Variants in MICAL2 observed in about 807,000 individuals in gnomAD.
MICAL2 encodes the protein [F-actin]-monooxygenase MICAL2.
In MICAL2, 77 loss-of-function variants were observed where a neutral mutation model predicts 127.3. The observed-to-expected ratio is 0.60, with a 90% CI of 0.50 to 0.73. MICAL2 has a LOEUF of 0.73. MICAL2 is among the 30% of genes least tolerant of loss of function. MICAL2 has a pLI of 0.00. For missense variants in MICAL2, 1,351 were observed against 1,434.4 expected (o/e 0.94, Z 0.94); for synonymous variants, 570 against 551.1 (o/e 1.03, Z -0.48).
chr11:12,151,012 A>G (rs1297749448), intron 2 of MICAL2, among the ~76,000 whole-genome samples: 1 of 152,092 alleles, frequency 6.6e-6, no homozygotes, highest in East Asian at 1.9e-4. Context: ...TTTTCACAGG[A>G]ACCCTATGTT....
intron 3 of MICAL2, 116 bp downstream of exon 3, chr11:12,162,535 T>C: frequency 7.8e-7 from 1 of 1,282,490 alleles, no homozygotes; most frequent in East Asian, 2.5e-5. Flanking sequence ...GTGTGAATGT[T>C]GCATTGTTTT....
At position 12,327,207 on chromosome 11, in the gene MICAL2, G is replaced by A. The variant is rs182486240; in HGVS notation, c.5456G>A (p.Arg1819Gln). The change falls in exon 32 of 35, where the codon CGG becomes CAG. Residue 1819 changes from arginine to glutamine, a missense_variant. Transcript: ENST00000646065. ...AGGCAGCTGGAGGAGGTGGAGGAGC[G>A]GCAGAGGGCTTCTGAGATCCAGGGT... The A allele has an allele frequency of 7.4e-5, 115 of 1,551,688 alleles. No homozygotes were observed. In the East Asian group the frequency reaches 2.3e-3, roughly 31 times the overall value.
At chr11:12,144,306 G>T (rs1852659755) in intron 2 of MICAL2, among the ~76,000 whole-genome samples, 1 of 152,228 alleles carries the variant, frequency 6.6e-6, no homozygotes, top group Non-Finnish European at 1.5e-5. Context: ...TCAGCCAAGA[G>T]AAATGTATTC....
intron 1 of MICAL2, among the ~76,000 whole-genome samples, chr11:12,129,636 C>CTTTTTTTTTTTTTTTTTTTTT (rs559528778): frequency 1.0e-5 from 1 of 97,464 alleles, no homozygotes; most frequent in Non-Finnish European, 1.9e-5. Context: ...TCTTCTTCTT[C>CTTTTTTTTTTTTTTTTTTTTT]TTTTTTTTTT....
chr11:12,127,714 A>G (rs569332241), intron 1 of MICAL2, among the ~76,000 whole-genome samples: 19 of 152,186 alleles, frequency 1.2e-4, no homozygotes, highest in Admixed American at 3.9e-4. Flanking sequence ...ACTAGGCAGT[A>G]GGGAGTCTTT....
chr11:12,256,994 C>G (rs2134662799), intron 24 of MICAL2, 23 bp downstream of exon 24: 1 of 1,598,988 alleles, frequency 6.3e-7, no homozygotes, highest in Admixed American at 1.7e-5. Flanking sequence ...GCCAGGGCAG[C>G]ACTGGGCTCT....
chr11:12,214,699 A>G (rs1164592824), intron 7 of MICAL2, among the ~76,000 whole-genome samples: 1 of 152,224 alleles, frequency 6.6e-6, no homozygotes, highest in Non-Finnish European at 1.5e-5. Flanking sequence ...ATCCATAAAT[A>G]AAAGCTGATT....
At chr11:12,141,237 C>G (rs901852463) in intron 2 of MICAL2, among the ~76,000 whole-genome samples, 3 of 152,300 alleles carry the variant, frequency 2.0e-5, no homozygotes, top group Non-Finnish European at 4.4e-5. Flanking sequence ...CTAGTGTTGA[C>G]TGTCCACAGC....
At chr11:12,186,244 C>T (rs531538687) in intron 3 of MICAL2, among the ~76,000 whole-genome samples, 50 of 152,292 alleles carry the variant, frequency 3.3e-4, no homozygotes, top group African/African-American at 1.1e-3. Context: ...TTAGACATGG[C>T]TTGGGGGAGT....
At chr11:12,275,071 T>C (rs1275780003), upstream of MICAL2, among the ~76,000 whole-genome samples, 2 of 152,092 alleles carry the variant, frequency 1.3e-5, no homozygotes, top group Non-Finnish European at 2.9e-5. Context: ...CACCAGGATT[T>C]GCCGATGACT....
chr11:12,279,424 G>A (rs1319151050), intron 1 of MICAL2, among the ~76,000 whole-genome samples: 1 of 152,152 alleles, frequency 6.6e-6, no homozygotes, highest in Admixed American at 6.5e-5. Flanking sequence ...GGGAACATAG[G>A]CTTGAGCATC....
At chr11:12,175,272 T>G (rs1260324969) in intron 3 of MICAL2, among the ~76,000 whole-genome samples, 2 of 152,054 alleles carry the variant, frequency 1.3e-5, no homozygotes, top group African/African-American at 4.8e-5. Context: ...GGTCAGAAGT[T>G]CGAGACCAGC....
intron 1 of MICAL2, among the ~76,000 whole-genome samples, chr11:12,118,084 C>T (rs1198720543): frequency 1.3e-5 from 2 of 152,180 alleles, no homozygotes; most frequent in East Asian, 3.9e-4. Flanking sequence ...TTTCAGGCTT[C>T]TTCTGGATTC....
chr11:12,297,605 T>C (rs1373760174), intron 29 of MICAL2, among the ~76,000 whole-genome samples: 3 of 152,110 alleles, frequency 2.0e-5, no homozygotes, highest in Non-Finnish European at 4.4e-5. Flanking sequence ...TCCAAGTTTG[T>C]AGAAGAATTT....
intron 2 of MICAL2, among the ~76,000 whole-genome samples, chr11:12,282,154 G>A: frequency 6.6e-6 from 1 of 152,170 alleles, no homozygotes; most frequent in Non-Finnish European, 1.5e-5. Flanking sequence ...TGGAATTGTT[G>A]AATTTACTCT....
At chr11:12,175,338 T>A (rs1856715704) in intron 3 of MICAL2, among the ~76,000 whole-genome samples, 1 of 151,908 alleles carries the variant, frequency 6.6e-6, no homozygotes, top group Non-Finnish European at 1.5e-5. Context: ...TAGCCAGGCG[T>A]GGTGGTGGGT....
chr11:12,159,547 G>A (rs1854548048), intron 2 of MICAL2, among the ~76,000 whole-genome samples: 1 of 152,220 alleles, frequency 6.6e-6, no homozygotes, highest in Admixed American at 6.5e-5. Context: ...AGGGAACTGA[G>A]AATCAGAAGT....
At chr11:12,277,866 G>A (rs1863737640) in intron 1 of MICAL2, among the ~76,000 whole-genome samples, 1 of 152,192 alleles carries the variant, frequency 6.6e-6, no homozygotes, top group South Asian at 2.1e-4. Context: ...GCTATATGGT[G>A]TAACCTATTG....
At chr11:12,262,089 GA>G (rs1180876755) in intron 26 of MICAL2, 2 of 1,092,690 alleles carry the variant, frequency 1.8e-6, no homozygotes, top group African/African-American at 3.3e-5. Flanking sequence ...AGAAATCTGA[GA>G]TGTTTGTACG....
Sources: gnomAD v4.1 joint callset for allele counts (sites outside exome capture counted in the v4.1 genomes callset) on GRCh38, gnomAD v4.1.1 for gene constraint, MANE v1.5 for transcripts, NCBI Gene and HGNC (gene_info 2026-07-23, HGNC 2026-07-21) for gene names.